SUGCT: variants seen among roughly 807,000 people sequenced by gnomAD.
SUGCT encodes succinyl-CoA:glutarate-CoA transferase.
SUGCT carries 41 observed loss-of-function variants against 55.0 expected under a neutral mutation model. That is an observed-to-expected ratio of 0.74 (90% CI 0.58 to 0.97). The LOEUF is 0.97. SUGCT is among the 50% of genes least tolerant of loss of function. SUGCT has a pLI of 0.00. For missense variants in SUGCT, 568 were observed against 547.8 expected, an observed-to-expected ratio of 1.04 and a Z score of -0.37; for synonymous variants, 187 against 200.4, an observed-to-expected ratio of 0.93 and a Z score of 0.56.
intron 9 of SUGCT, among the ~76,000 whole-genome samples, chr7:40,331,754 A>G (rs1192691353): frequency 6.6e-6 from 1 of 152,106 alleles, no homozygotes; most frequent in Non-Finnish European, 1.5e-5. Flanking sequence ...GGTGTGGGTC[A>G]GTGGGGAGCA....
chr7:40,369,972 C>T (rs558903352), intron 9 of SUGCT, among the ~76,000 whole-genome samples: 8 of 152,194 alleles, frequency 5.3e-5, no homozygotes, highest in African/African-American at 1.9e-4. Flanking sequence ...AAGAGATTTC[C>T]AGTTCGAGGA....
the SUGCT span, among the ~76,000 whole-genome samples, chr7:41,014,768 C>A: frequency 6.6e-6 from 1 of 152,168 alleles, no homozygotes; most frequent in African/African-American, 2.4e-5. Context: ...ACTCCACTTC[C>A]CAAATTTCTC....
intron 9 of SUGCT, among the ~76,000 whole-genome samples, chr7:40,320,790 C>T (rs1424819309): frequency 1.3e-5 from 2 of 152,084 alleles, no homozygotes; most frequent in Admixed American, 1.3e-4. Context: ...TTTTTATTTA[C>T]TTATTTTAAA....
chr7:40,270,415 C>T (rs1022994507), intron 7 of SUGCT, among the ~76,000 whole-genome samples: 15 of 152,058 alleles, frequency 9.9e-5, no homozygotes, highest in African/African-American at 3.4e-4. Context: ...GATTTTTGGT[C>T]CATTTAGAGT....
chr7:40,191,937 G>A (rs999942467), intron 5 of SUGCT, among the ~76,000 whole-genome samples: 1 of 151,914 alleles, frequency 6.6e-6, no homozygotes, highest in Non-Finnish European at 1.5e-5. Context: ...GTGAAACCCT[G>A]TCTCTACTAG....
chr7:40,936,340 A>G, the SUGCT span, among the ~76,000 whole-genome samples: 1 of 151,434 alleles, frequency 6.6e-6, no homozygotes, highest in Non-Finnish European at 1.5e-5. Flanking sequence ...TCTTTCTAGA[A>G]TTTGTTTATT....
At chr7:41,008,960 G>T in the SUGCT span, among the ~76,000 whole-genome samples, 26 of 152,116 alleles carry the variant, frequency 1.7e-4, no homozygotes, top group African/African-American at 6.3e-4. Flanking sequence ...GAATATGATG[G>T]TATCTCTGTT....
rs533524638 is a variant in SUGCT, at chr7:40,369,121, A to T, written c.816+52266A>T. Among the ~76,000 whole-genome samples, 3 of 151,678 alleles carry T rather than the reference A, an allele frequency of 2.0e-5. No homozygotes were observed. The South Asian group carries it at 6.3e-4, about 32-fold the overall frequency. On this transcript the variant is annotated intron_variant, in intron 9 of 13. Coordinates refer to ENST00000335693, the MANE Select transcript of SUGCT (RefSeq NM_001193313.2). ...TCTATCTTAAAAAAAAAAAAAAATT[A>T]TAACTTTTGAGTGGGGATTGAGTGT...
intron 9 of SUGCT, among the ~76,000 whole-genome samples, chr7:40,408,036 G>T (rs1410800369): frequency 6.6e-6 from 1 of 152,012 alleles, no homozygotes; most frequent in African/African-American, 2.4e-5. Flanking sequence ...TAGTCTTTTG[G>T]TAGTCATTAT....
At chr7:40,548,663 C>A (rs184815491) in intron 12 of SUGCT, among the ~76,000 whole-genome samples, 25 of 152,170 alleles carry the variant, frequency 1.6e-4, no homozygotes, top group Admixed American at 3.9e-4. Flanking sequence ...AATCAGTGAA[C>A]CTACATTGAC....
chr7:40,580,810 T>C (rs569304128), intron 12 of SUGCT, among the ~76,000 whole-genome samples: 1 of 152,212 alleles, frequency 6.6e-6, no homozygotes, highest in East Asian at 1.9e-4. Flanking sequence ...TTTGTTACAA[T>C]TGCCTACCGT....
chr7:40,934,157 C>T, the SUGCT span, among the ~76,000 whole-genome samples: 1 of 152,286 alleles, frequency 6.6e-6, no homozygotes, highest in African/African-American at 2.4e-5. Flanking sequence ...GATGCTATTC[C>T]TTTCCGTTTG....
At chr7:40,238,929 T>G (rs1319786946) in intron 7 of SUGCT, among the ~76,000 whole-genome samples, 1 of 151,810 alleles carries the variant, frequency 6.6e-6, no homozygotes, top group East Asian at 1.9e-4. Flanking sequence ...CAAAGGATTC[T>G]CCTGCCTCAG....
chr7:40,568,015 A>G (rs1175682654), intron 12 of SUGCT, among the ~76,000 whole-genome samples: 1 of 152,212 alleles, frequency 6.6e-6, no homozygotes, highest in East Asian at 1.9e-4. Flanking sequence ...GAATGATTCC[A>G]TTTGAGTCTC....
At chr7:40,829,611 A>G (rs1792547908) in intron 13 of SUGCT, among the ~76,000 whole-genome samples, 1 of 152,186 alleles carries the variant, frequency 6.6e-6, no homozygotes, top group African/African-American at 2.4e-5. Context: ...GACACAAAGA[A>G]TTTTTGTAAG....
At chr7:40,349,348 T>C (rs1229763842) in intron 9 of SUGCT, among the ~76,000 whole-genome samples, 3 of 152,192 alleles carry the variant, frequency 2.0e-5, no homozygotes, top group Admixed American at 2.0e-4. Flanking sequence ...TAACTTACTT[T>C]CCTTTTTGTC....
the SUGCT span, among the ~76,000 whole-genome samples, chr7:40,992,209 C>T: frequency 1.3e-5 from 2 of 152,076 alleles, no homozygotes; most frequent in African/African-American, 2.4e-5. Flanking sequence ...AGGGTTCCTC[C>T]GCTTTTTAGA....
At chr7:40,656,226 A>G (rs1801012969) in intron 12 of SUGCT, among the ~76,000 whole-genome samples, 1 of 146,710 alleles carries the variant, frequency 6.8e-6, no homozygotes, top group Non-Finnish European at 1.5e-5. Flanking sequence ...CATGCTTATT[A>G]TCATAGCATC....
chr7:40,977,413 G>C, the SUGCT span, among the ~76,000 whole-genome samples: 1 of 152,210 alleles, frequency 6.6e-6, no homozygotes, highest in East Asian at 1.9e-4. Context: ...TCCCTTGGGG[G>C]TAGATTATTT....
Sources: gnomAD v4.1 joint callset for allele counts (sites outside exome capture counted in the v4.1 genomes callset) on GRCh38, gnomAD v4.1.1 for gene constraint, MANE v1.5 for transcripts, NCBI Gene and HGNC (gene_info 2026-07-23, HGNC 2026-07-21) for gene names.